Variants in ARHGAP40 observed in about 807,000 individuals in gnomAD.
ARHGAP40 encodes the protein Rho GTPase activating protein 40, also known as rho GTPase-activating protein 40.
ARHGAP40 carries 43 observed loss-of-function variants against 73.5 expected under a neutral mutation model. The ratio of observed to expected loss-of-function variants is 0.58; its 90% CI spans 0.46 to 0.75. The LOEUF (loss-of-function observed/expected upper bound fraction) is 0.75, where lower values mean the gene tolerates loss of function less well. ARHGAP40 is among the 30% of genes least tolerant of loss of function. The pLI is 0.00. For synonymous variants in ARHGAP40, 300 were observed against 352.8 expected (o/e 0.85, Z 1.68); for missense variants, 734 against 861.8 (o/e 0.85, Z 1.86).
chr20:38,601,881 C>G (rs1249425603), exon 1 of ARHGAP40: 1 of 1,284,622 alleles, frequency 7.8e-7, no homozygotes, highest in East Asian at 5.6e-5. Context: ...CTCACATTGC[C>G]GATCGAGTCA....
At chr20:38,607,713 C>A (rs2145592411) in intron 1 of ARHGAP40, among the ~76,000 whole-genome samples, 1 of 152,334 alleles carries the variant, frequency 6.6e-6, no homozygotes, top group South Asian at 2.1e-4. Context: ...CCAGCAGATG[C>A]TCATCCAAGT....
At chr20:38,607,735 T>G in intron 1 of ARHGAP40, among the ~76,000 whole-genome samples, 1 of 152,218 alleles carries the variant, frequency 6.6e-6, no homozygotes, top group East Asian at 1.9e-4. Context: ...TGAGAAGGTC[T>G]TTTCTCGATA....
intron 5 of ARHGAP40, 120 bp downstream of exon 5, chr20:38,629,770 T>C: frequency 9.3e-7 from 1 of 1,078,422 alleles, no homozygotes; most frequent in South Asian, 1.6e-5. Context: ...AATTCATTCA[T>C]TCATTTAATT....
intron 1 of ARHGAP40, among the ~76,000 whole-genome samples, chr20:38,617,284 G>A (rs538485444): frequency 3.7e-4 from 56 of 152,346 alleles, no homozygotes; most frequent in Admixed American, 3.5e-3. Flanking sequence ...GCTTCGCTGA[G>A]CAGGCTCTTG....
chr20:38,610,171 C>T lies in ARHGAP40; in HGVS notation c.137+8092C>T, dbSNP rs75394850. On this transcript the variant is annotated intron_variant, in intron 1 of 14. Transcript: ENST00000373345. ...AAATTATTTGGTAAATGTTATGCAT[C>T]TCTGTGTGTGTGTGTGGTTCTCCGG... Among the ~76,000 whole-genome samples, 1,103 of 152,158 alleles carry T rather than the reference C, an allele frequency of 7.2e-3. 15 individuals carry two copies. The highest frequency in any genetic ancestry group is 0.025 in the African/African-American group (1,056 of 41,414).
At chr20:38,616,017 C>A (rs368307860) in intron 1 of ARHGAP40, among the ~76,000 whole-genome samples, 94 of 152,280 alleles carry the variant, frequency 6.2e-4, no homozygotes, top group African/African-American at 2.2e-3. Flanking sequence ...ATTCTGGGAC[C>A]CAGGCGGCAG....
chr20:38,612,223 A>T (rs1399043799), intron 1 of ARHGAP40, among the ~76,000 whole-genome samples: 1 of 152,222 alleles, frequency 6.6e-6, no homozygotes, highest in Non-Finnish European at 1.5e-5. Flanking sequence ...CTCTGATAGG[A>T]TGCTAAATTT....
chr20:38,622,098 C>T (rs1290787439), intron 1 of ARHGAP40, among the ~76,000 whole-genome samples: 1 of 150,526 alleles, frequency 6.6e-6, no homozygotes, highest in Non-Finnish European at 1.5e-5. Flanking sequence ...CAGAAAAGCA[C>T]ATATATATAT....
intron 5 of ARHGAP40, among the ~76,000 whole-genome samples, chr20:38,633,122 CAAA>C (rs55980432): frequency 7.4e-6 from 1 of 135,480 alleles, no homozygotes; most frequent in Non-Finnish European, 1.6e-5. Flanking sequence ...GACTCCGTCT[CAAA>C]AAAAAAAAAA....
intron 1 of ARHGAP40, among the ~76,000 whole-genome samples, chr20:38,621,845 G>A (rs1185237574): frequency 6.6e-6 from 1 of 152,158 alleles, no homozygotes; most frequent in Non-Finnish European, 1.5e-5. Context: ...CTTGAGCCCA[G>A]GAGTTCGAGA....
chr20:38,618,422 C>G (rs1467195834), intron 1 of ARHGAP40, among the ~76,000 whole-genome samples: 2 of 152,144 alleles, frequency 1.3e-5, no homozygotes, highest in Non-Finnish European at 2.9e-5. Flanking sequence ...TTCTTGACTT[C>G]TAAATTTACA....
intron 6 of ARHGAP40, 120 bp from the exon 7 acceptor site, chr20:38,637,588 G>A: frequency 1.4e-6 from 1 of 708,216 alleles, no homozygotes. Context: ...ATTCTCTAGA[G>A]AGCTCAGTCC....
At position 38,638,726 on chromosome 20, in the gene ARHGAP40, T is replaced by G. The variant is rs140449001; in HGVS notation, c.1042-35T>G. ...CATTTTGAATCCTGCTTTTCAGCGG[T>G]TCCTGGTTTAAATGCTGGTTTCTCT... On this transcript the variant is annotated intron_variant, in intron 7 of 14. Transcript: ENST00000373345. 831 of 1,293,644 alleles carry G rather than the reference T, an allele frequency of 6.4e-4. 3 individuals are homozygous for G. In the African/African-American group the frequency reaches 0.012, roughly 18 times the overall value. The allele number at this position is 1,293,644 out of a possible 1,614,324, so 80.1% of individuals were successfully genotyped here. A position where few individuals can be genotyped will look rare whatever the true frequency, so the allele number is the denominator to read the frequency against.
Position 38,628,960 on chromosome 20 carries a change from A to AAGGGGGCCCAGCTCAGTTCC in ARHGAP40, c.593_612dup (p.Gly205ArgfsTer75), listed in dbSNP as rs2088920245. 3 of 1,305,020 alleles carry AAGGGGGCCCAGCTCAGTTCC rather than the reference A, an allele frequency of 2.3e-6. No homozygotes were observed. The highest frequency in any genetic ancestry group is 2.5e-5 in the South Asian group (2 of 80,952). 80.8% of individuals were successfully genotyped at this position (1,305,020 alleles called of 1,614,324 possible). A position where few individuals can be genotyped will look rare whatever the true frequency, so the allele number is the denominator to read the frequency against. ...GTCAGAGAATGGCGACTCCGGTATG[A>AAGGGGGCCCAGCTCAGTTCC]AGGGGGCCCAGCTCAGTTCCGGGGC... is the stretch of plus-strand genomic sequence containing the variant. On this transcript the variant is annotated frameshift_variant, in exon 4 of 15. Coordinates refer to ENST00000373345, the Ensembl canonical transcript of ARHGAP40. LOFTEE classifies it high-confidence loss of function.
intron 1 of ARHGAP40, among the ~76,000 whole-genome samples, chr20:38,619,986 C>T (rs867497077): frequency 1.3e-5 from 2 of 152,068 alleles, no homozygotes; most frequent in South Asian, 2.1e-4. Flanking sequence ...GTGGGAGCAT[C>T]GCTTGAGCCC....
At chr20:38,648,098 T>A (rs1355300422) in intron 13 of ARHGAP40, among the ~76,000 whole-genome samples, 1 of 152,204 alleles carries the variant, frequency 6.6e-6, no homozygotes, top group Non-Finnish European at 1.5e-5. Flanking sequence ...AGCAAGTATC[T>A]GATCCAGCTC....
rs61492761 is a variant in ARHGAP40 at position 38,643,145 on chromosome 20, CAAAA to C, written c.1363-549_1363-546del. 6.5e-3 allele frequency among the ~76,000 whole-genome samples: 873 copies of C among 133,442 alleles called. 10 individuals are homozygous for C. Among genetic ancestry groups the C allele is most frequent in the African/African-American group, 0.023 (801 of 35,154 alleles). 87.5% of individuals were successfully genotyped at this position (133,442 alleles called of 152,430 possible). On this transcript the variant is annotated intron_variant, in intron 10 of 14. Transcript: ENST00000373345. ...TGGGAGACAGAGTGAGACTCTGACT[CAAAA>C]AAAAAAAAACAAAAAACAAACAAAA...
At chr20:38,645,405 A>C (rs2089045217) in intron 11 of ARHGAP40, among the ~76,000 whole-genome samples, 1 of 152,204 alleles carries the variant, frequency 6.6e-6, no homozygotes, top group South Asian at 2.1e-4. Flanking sequence ...TCTTGTTAGA[A>C]AAGCTTCAGA....
At position 38,646,128 on chromosome 20, in the gene ARHGAP40, AAGACTTGGCTGCGG is replaced by A; in HGVS notation, c.1654_1667del (p.Thr552AspfsTer63). 2 of 1,304,162 alleles carry A rather than the reference AAGACTTGGCTGCGG, an allele frequency of 1.5e-6. No individual in the cohort carries two copies. Among genetic ancestry groups the A allele is most frequent in the Non-Finnish European group, 2.0e-6 (2 of 988,848 alleles). The allele number at this position is 1,304,162 out of a possible 1,614,324, so 80.8% of individuals were successfully genotyped here. Reference sequence around the variant, plus strand: ...CCCCCAGCTCTGCGACGCAGGCCTCAAGACTTGGCTGCGGAGGATGCACGCAGACAGGGACAAGG... The same window carrying A: ...CCCCCAGCTCTGCGACGCAGGCCTCAAGGATGCACGCAGACAGGGACAAGG... On this transcript the variant is annotated frameshift_variant, in exon 12 of 15. Transcript: ENST00000373345. LOFTEE classifies it high-confidence loss of function. This position sits in a 1 kb window ranked among gnomAD's most constrained non-coding sequence, Gnocchi z 4.5.
Sources: allele counts gnomAD v4.1 joint callset (sites outside exome capture counted in the v4.1 genomes callset), GRCh38; gene constraint gnomAD v4.1.1; non-coding constraint Gnocchi (gnomAD v3.1); transcripts MANE v1.5; gene names NCBI Gene and HGNC (gene_info 2026-07-23, HGNC 2026-07-21).